The following SPOCK1 variants were observed in gnomAD, a reference collection of about 807,000 sequenced individuals.
SPOCK1 encodes the protein SPARC (osteonectin), cwcv and kazal like domains proteoglycan 1.
A neutral mutation model predicts 55.3 loss-of-function variants in SPOCK1; 23 were observed. The observed-to-expected ratio is 0.42, with a 90% CI of 0.30 to 0.59. SPOCK1 has a LOEUF of 0.59. SPOCK1 is among the 20% of genes least tolerant of loss of function. The pLI is 0.22. For synonymous variants in SPOCK1, 226 were observed against 221.0 expected, an observed-to-expected ratio of 1.02 and a Z score of -0.20; for missense variants, 499 against 552.5, an observed-to-expected ratio of 0.90 and a Z score of 0.97.
intron 4 of SPOCK1, among the ~76,000 whole-genome samples, chr5:137,136,176 T>A (rs1753979720): frequency 6.6e-6 from 1 of 152,220 alleles, no homozygotes; most frequent in Non-Finnish European, 1.5e-5. Flanking sequence ...AAACTCAAGG[T>A]CATAACTCCT....
At chr5:137,102,035 G>A (rs535997736) in intron 5 of SPOCK1, among the ~76,000 whole-genome samples, 2 of 152,172 alleles carry the variant, frequency 1.3e-5, no homozygotes, top group African/African-American at 2.4e-5. Context: ...AGGCTCATGC[G>A]GCCATAGCAT....
intron 6 of SPOCK1, among the ~76,000 whole-genome samples, chr5:137,016,061 A>G (rs915302459): frequency 1.3e-5 from 2 of 152,176 alleles, no homozygotes; most frequent in African/African-American, 4.8e-5. Flanking sequence ...TCACTGCAGA[A>G]GAAGGAGAAG....
At position 137,041,493 on chromosome 5, in the gene SPOCK1, C is replaced by T. The variant is rs564473350; in HGVS notation, c.589+26222G>A. Among the ~76,000 whole-genome samples the T allele has an allele frequency of 1.2e-4, 19 of 152,172 alleles. 1 individual carries two copies. The South Asian group carries it at 3.7e-3, about 30-fold the overall frequency. On this transcript the variant is annotated intron_variant, in intron 6 of 10. Coordinates refer to ENST00000394945, the MANE Select transcript of SPOCK1 (RefSeq NM_004598.4). ...ACTTTATTAAAATTAAAAACTTATA[C>T]TCTGTGAATGACACTGTTAAGAGAA...
At chr5:137,352,188 A>C (rs898386561) in intron 2 of SPOCK1, among the ~76,000 whole-genome samples, 1 of 152,250 alleles carries the variant, frequency 6.6e-6, no homozygotes, top group African/African-American at 2.4e-5. Context: ...ATAAGAGCTG[A>C]TATACTGCAG....
intron 2 of SPOCK1, among the ~76,000 whole-genome samples, chr5:137,481,673 C>G (rs538778911): frequency 1.0e-3 from 152 of 152,304 alleles, no homozygotes; most frequent in Non-Finnish European, 1.5e-3. Context: ...AGAAGATTCC[C>G]TGGAGTGTCA....
chr5:137,370,093 G>A (rs1751166177), intron 2 of SPOCK1, among the ~76,000 whole-genome samples: 1 of 152,110 alleles, frequency 6.6e-6, no homozygotes, highest in Non-Finnish European at 1.5e-5. Flanking sequence ...ATGGTGCCTA[G>A]GGTGAATGTA....
chr5:137,469,126 T>C (rs1753680616), intron 2 of SPOCK1, among the ~76,000 whole-genome samples: 1 of 152,226 alleles, frequency 6.6e-6, no homozygotes, highest in South Asian at 2.1e-4. Flanking sequence ...TAATTAACTC[T>C]TTGGCCTTTA....
chr5:137,407,129 A>C (rs1255492619), intron 2 of SPOCK1, among the ~76,000 whole-genome samples: 1 of 152,222 alleles, frequency 6.6e-6, no homozygotes, highest in African/African-American at 2.4e-5. Flanking sequence ...ATATCAGTGA[A>C]ATATGTACTG....
At chr5:137,485,789 ACATAC>A (rs1754043192) in intron 2 of SPOCK1, among the ~76,000 whole-genome samples, 1 of 152,252 alleles carries the variant, frequency 6.6e-6, no homozygotes, top group Non-Finnish European at 1.5e-5. Flanking sequence ...ATTTAAAAGT[ACATAC>A]TTATTCCATT....
chr5:137,039,201 TA>T (rs1284977557), intron 6 of SPOCK1, among the ~76,000 whole-genome samples: 1 of 151,062 alleles, frequency 6.6e-6, no homozygotes, highest in Non-Finnish European at 1.5e-5. Flanking sequence ...AAGGATTTGT[TA>T]AAAGTGATTT....
At chr5:137,291,337 A>T (rs1757365950) in intron 2 of SPOCK1, among the ~76,000 whole-genome samples, 1 of 152,196 alleles carries the variant, frequency 6.6e-6, no homozygotes, top group Non-Finnish European at 1.5e-5. Flanking sequence ...TCTAGCTATG[A>T]TTACTGGCCC....
intron 3 of SPOCK1, among the ~76,000 whole-genome samples, chr5:137,225,088 G>A (rs752830149): frequency 6.6e-5 from 10 of 151,910 alleles, no homozygotes; most frequent in Non-Finnish European, 8.8e-5. Context: ...ATTGAAACAC[G>A]TCCACCAAGC....
At chr5:137,119,396 C>T (rs370904311) in intron 4 of SPOCK1, among the ~76,000 whole-genome samples, 3 of 152,118 alleles carry the variant, frequency 2.0e-5, no homozygotes, top group African/African-American at 4.8e-5. Context: ...TCATGTAAAA[C>T]GATGCTATAA....
intron 3 of SPOCK1, among the ~76,000 whole-genome samples, chr5:137,161,034 T>A (rs1238134552): frequency 1.4e-5 from 2 of 146,844 alleles, no homozygotes; most frequent in Non-Finnish European, 3.0e-5. Context: ...ATATATTACA[T>A]ATATTTTATA....
chr5:137,330,634 A>G (rs1758156288), intron 2 of SPOCK1, among the ~76,000 whole-genome samples: 1 of 152,222 alleles, frequency 6.6e-6, no homozygotes, highest in African/African-American at 2.4e-5. Context: ...TTGACAAACT[A>G]CTATGTGCCA....
At chr5:137,042,648 T>C (rs925321118) in intron 6 of SPOCK1, among the ~76,000 whole-genome samples, 8 of 152,106 alleles carry the variant, frequency 5.3e-5, no homozygotes, top group Admixed American at 4.6e-4. Flanking sequence ...TAGAGGCTAA[T>C]AATTTTGATA....
At chr5:137,121,652 TTA>T (rs1385622382) in intron 4 of SPOCK1, among the ~76,000 whole-genome samples, 2 of 146,712 alleles carry the variant, frequency 1.4e-5, no homozygotes, top group African/African-American at 4.9e-5. Context: ...GTGACATTAA[TTA>T]TATATAATAT....
chr5:137,211,452 T>C (rs1386198624), intron 3 of SPOCK1, among the ~76,000 whole-genome samples: 1 of 152,250 alleles, frequency 6.6e-6, no homozygotes, highest in Non-Finnish European at 1.5e-5. Flanking sequence ...AAAACTCTTA[T>C]GGATAAGGGT....
chr5:137,489,595 A>G (rs1177468638), intron 2 of SPOCK1, among the ~76,000 whole-genome samples: 1 of 152,192 alleles, frequency 6.6e-6, no homozygotes, highest in Non-Finnish European at 1.5e-5. Flanking sequence ...CAAAGAGGAG[A>G]GGAAAAGAAC....
Sources: gnomAD v4.1 joint callset for allele counts (sites outside exome capture counted in the v4.1 genomes callset) on GRCh38, gnomAD v4.1.1 for gene constraint, MANE v1.5 for transcripts, NCBI Gene and HGNC (gene_info 2026-07-23, HGNC 2026-07-21) for gene names.